The following TRMT2B variants were observed in gnomAD, a reference collection of about 807,000 sequenced individuals.
The protein encoded by TRMT2B is tRNA methyltransferase 2B, also known as tRNA (uracil-5-)-methyltransferase homolog B.
TRMT2B carries 34 observed loss-of-function variants against 39.7 expected under a neutral mutation model. That is an observed-to-expected ratio of 0.86 (90% CI 0.65 to 1.14). TRMT2B has a LOEUF of 1.14. Among genes scored for constraint, TRMT2B ranks in the 50% most tolerant of loss-of-function variants. The pLI, the probability that TRMT2B is intolerant of heterozygous loss-of-function variation, is 0.00. For synonymous variants in TRMT2B, 132 were observed against 137.3 expected (o/e 0.96, Z 0.27); for missense variants, 318 against 377.2 (o/e 0.84, Z 1.30).
chrX:100,982,470 A>AAAATAAATAAATAAAT, the TRMT2B span, among the ~76,000 whole-genome samples: 47 of 91,288 alleles, frequency 5.1e-4, no homozygotes, highest in African/African-American at 1.3e-3. Flanking sequence ...CCAGGCTTAA[A>AAAATAAATAAATAAAT]AAATAAATAA....
intron 6 of TRMT2B, among the ~76,000 whole-genome samples, chrX:101,036,665 T>C (rs1242691254): frequency 3.6e-5 from 4 of 110,901 alleles, no homozygotes; most frequent in African/African-American, 1.3e-4. Context: ...GAAAGCAGCA[T>C]AAAATGATGA....
At chrX:100,991,883 T>C in the TRMT2B span, among the ~76,000 whole-genome samples, 1 of 110,283 alleles carries the variant, frequency 9.1e-6, no homozygotes, top group African/African-American at 3.3e-5. Context: ...AGATAGAGAA[T>C]AGACTGGCAG....
At chrX:100,988,068 T>C in the TRMT2B span, 1 of 511,665 alleles carries the variant, frequency 2.0e-6, no homozygotes, top group Non-Finnish European at 3.3e-6. Flanking sequence ...CTAAACATCC[T>C]CTTGCTCTGT....
intron 13 of TRMT2B, among the ~76,000 whole-genome samples, chrX:101,015,430 T>C (rs751794234): frequency 2.7e-5 from 3 of 112,060 alleles, no homozygotes; most frequent in Non-Finnish European, 5.6e-5. Flanking sequence ...AATAATGCAT[T>C]ATCAAGCTTT....
chrX:101,018,542 C>T (rs7880433), intron 13 of TRMT2B, among the ~76,000 whole-genome samples: 50,972 of 106,502 alleles, frequency 0.48, 10,763 homozygotes, highest in African/African-American at 0.76. Context: ...CTCTGCCTCC[C>T]GGGTTCAAGC....
the TRMT2B span, among the ~76,000 whole-genome samples, chrX:100,983,577 G>A: frequency 6.6e-4 from 73 of 110,765 alleles, no homozygotes; most frequent in East Asian, 0.014. Context: ...GGCTGGTCTC[G>A]AACTCCTGAC....
chrX:101,050,570 C>T (rs1457529811), intron 2 of TRMT2B, among the ~76,000 whole-genome samples: 1 of 109,311 alleles, frequency 9.1e-6, no homozygotes, highest in East Asian at 2.9e-4. Flanking sequence ...ACTAAAAGTA[C>T]AAAATTAGCC....
intron 7 of TRMT2B, among the ~76,000 whole-genome samples, chrX:101,023,845 CTTTT>C (rs1221725920): frequency 9.0e-6 from 1 of 110,825 alleles, no homozygotes; most frequent in Non-Finnish European, 1.9e-5. Flanking sequence ...CACTGATGTC[CTTTT>C]TTTATTTTTT....
the TRMT2B span, among the ~76,000 whole-genome samples, chrX:100,983,304 A>G: frequency 9.0e-6 from 1 of 111,547 alleles, no homozygotes. Flanking sequence ...AAAAAAATAT[A>G]TAAAGCTTTT....
chrX:101,032,448 G>C (rs768537843), intron 7 of TRMT2B, among the ~76,000 whole-genome samples: 1 of 108,239 alleles, frequency 9.2e-6, no homozygotes. Flanking sequence ...TTAGCTAGGC[G>C]TGGTGGCATG....
At chrX:100,986,421 C>T in the TRMT2B span, among the ~76,000 whole-genome samples, 6 of 111,894 alleles carry the variant, frequency 5.4e-5, no homozygotes, top group Admixed American at 9.5e-5. Context: ...CTTTATGCTT[C>T]TTTCATTCCT....
chrX:101,036,578 A>G (rs2087859292), intron 6 of TRMT2B, among the ~76,000 whole-genome samples: 1 of 110,861 alleles, frequency 9.0e-6, no homozygotes. Flanking sequence ...AGGTAGATTT[A>G]CCACAGAAAT....
chrX:101,032,513 G>C (rs1490912736), intron 7 of TRMT2B, among the ~76,000 whole-genome samples: 5 of 108,145 alleles, frequency 4.6e-5, no homozygotes, highest in Admixed American at 2.0e-4. Context: ...CTTGAACCCG[G>C]GAGGCAGAGG....
intron 13 of TRMT2B, among the ~76,000 whole-genome samples, chrX:101,014,314 A>T (rs2147998152): frequency 9.1e-6 from 1 of 110,320 alleles, no homozygotes; most frequent in South Asian, 3.9e-4. Flanking sequence ...ATTCTTTTGT[A>T]TTATTTGAAT....
At chrX:101,006,058 T>C, downstream of TRMT2B, among the ~76,000 whole-genome samples, 1 of 109,032 alleles carries the variant, frequency 9.2e-6, no homozygotes, top group Non-Finnish European at 1.9e-5. Context: ...CCGTCTCTAC[T>C]AAAAATACAA....
chrX:101,007,770 C>T (rs1982699520), downstream of TRMT2B, among the ~76,000 whole-genome samples: 1 of 111,294 alleles, frequency 9.0e-6, no homozygotes, highest in East Asian at 2.8e-4. Flanking sequence ...GCTATATTGT[C>T]CAGGCTGGTC....
At chrX:100,977,850 T>C in the TRMT2B span, among the ~76,000 whole-genome samples, 3 of 112,594 alleles carry the variant, frequency 2.7e-5, no homozygotes, top group African/African-American at 6.5e-5. Flanking sequence ...TCTTTTTTTA[T>C]GGCTAAATAG....
intron 8 of TRMT2B, among the ~76,000 whole-genome samples, chrX:101,022,312 C>A: frequency 9.0e-6 from 1 of 111,001 alleles, no homozygotes; most frequent in Non-Finnish European, 1.9e-5. Flanking sequence ...AACATAGCAA[C>A]ATCCTGTCTC....
intron 8 of TRMT2B, 115 bp from the exon 9 acceptor site, chrX:101,022,177 CT>C (rs1004419795): frequency 4.0e-6 from 2 of 500,926 alleles, no homozygotes; most frequent in Admixed American, 6.6e-5. Context: ...TTTCACAAAT[CT>C]TATTATAAAT....
Sources: allele counts gnomAD v4.1 joint callset (sites outside exome capture counted in the v4.1 genomes callset), GRCh38; gene constraint gnomAD v4.1.1; transcripts MANE v1.5; gene names NCBI Gene and HGNC (gene_info 2026-07-23, HGNC 2026-07-21).